Variants in KIF20B observed in about 807,000 individuals in gnomAD.
The protein encoded by KIF20B is kinesin family member 20B.
In KIF20B, 188 loss-of-function variants were observed where a neutral mutation model predicts 232.5. The observed-to-expected ratio is 0.81, with a 90% CI of 0.72 to 0.91. The LOEUF (loss-of-function observed/expected upper bound fraction) is 0.91, where lower values mean the gene tolerates loss of function less well. Ranked by LOEUF, KIF20B falls within the 40% of genes least tolerant of loss-of-function variation. The pLI, the probability that KIF20B is intolerant of heterozygous loss-of-function variation, is 0.00. For synonymous variants in KIF20B, 712 were observed against 683.0 expected (o/e 1.04, Z -0.66); for missense variants, 2,154 against 2,055.9 (o/e 1.05, Z -0.92).
At chr10:89,760,377 G>A (rs1842212952) in intron 27 of KIF20B, 149 bp from the exon 28 acceptor site, 1 of 577,080 alleles carries the variant, frequency 1.7e-6, no homozygotes, top group East Asian at 3.0e-5. Context: ...AGAAATAGGA[G>A]GGCTAGGTGG....
intron 29 of KIF20B, chr10:89,766,123 T>A (rs1355254061): frequency 6.6e-6 from 1 of 152,168 alleles, no homozygotes; most frequent in Non-Finnish European, 1.5e-5. Context: ...ATTCTCCCCG[T>A]CACTTTCAGG....
In KIF20B at chr10:89,712,772, G is replaced by A. The variant is rs539102862; in HGVS notation, c.676-1275G>A. 1.8e-4 allele frequency among the ~76,000 whole-genome samples: 27 copies of A among 152,174 alleles called. No individual in the cohort carries two copies. The South Asian group carries it at 5.4e-3, about 30-fold the overall frequency. On this transcript the variant is annotated intron_variant, in intron 6 of 32. Coordinates refer to ENST00000371728, the MANE Select transcript of KIF20B (RefSeq NM_001284259.2). ...TTATACTTGTCTGTTTATTCCTCTT[G>A]TGCCTTCTGGATTTTGTAGTATATT...
intron 2 of KIF20B, among the ~76,000 whole-genome samples, chr10:89,705,868 C>G (rs1842712367): frequency 1.3e-5 from 2 of 152,116 alleles, no homozygotes; most frequent in African/African-American, 2.4e-5. Context: ...TAGTTTTTCC[C>G]TTTTTATTGC....
intron 2 of KIF20B, among the ~76,000 whole-genome samples, chr10:89,708,565 A>T (rs895516382): frequency 6.7e-6 from 1 of 149,116 alleles, no homozygotes; most frequent in African/African-American, 2.4e-5. Flanking sequence ...TAGGGCCTGA[A>T]TTTTTTTTTT....
chr10:89,710,292 G>A (rs1192014165), intron 5 of KIF20B, among the ~76,000 whole-genome samples: 1 of 149,990 alleles, frequency 6.7e-6, no homozygotes, highest in Non-Finnish European at 1.5e-5. Flanking sequence ...TGTGATCTCA[G>A]CTCACTACAA....
intron 23 of KIF20B, among the ~76,000 whole-genome samples, chr10:89,747,696 T>A (rs896069865): frequency 4.4e-5 from 6 of 135,696 alleles, no homozygotes; most frequent in Non-Finnish European, 6.2e-5. Context: ...TGAGAGCACA[T>A]GGACACAGGA....
At chr10:89,735,264 G>A (rs1415376105) in intron 19 of KIF20B, among the ~76,000 whole-genome samples, 3 of 152,108 alleles carry the variant, frequency 2.0e-5, no homozygotes, top group Non-Finnish European at 2.9e-5. Context: ...ATGTCTTAGA[G>A]ATAGAAAAGA....
At chr10:89,736,768 C>T (rs763448180) in intron 19 of KIF20B, among the ~76,000 whole-genome samples, 11 of 152,058 alleles carry the variant, frequency 7.2e-5, no homozygotes, top group Non-Finnish European at 1.5e-4. Flanking sequence ...TCTTGATCTT[C>T]ACAACTTTGA....
rs1279763516 is a variant in KIF20B, at chr10:89,725,027, C to T, written c.1870C>T (p.Leu624=). Residue 624 remains leucine, a synonymous_variant, in exon 15 of 33, where the codon CTG becomes TTG. Coordinates refer to ENST00000371728, the MANE Select transcript of KIF20B (RefSeq NM_001284259.2). ...AQREADFKET[L]LQEREILEEN... ...TTAATTTGTATTTTGAAGGGAGACT[C>T]TGCTTCAAGAACGAGAGATATTAGA... 3 of 1,613,050 alleles carry T rather than the reference C, an allele frequency of 1.9e-6. No individual in the cohort carries two copies. Among genetic ancestry groups the T allele is most frequent in the Non-Finnish European group, 2.5e-6 (3 of 1,179,470 alleles).
Position 89,705,255 on chromosome 10 carries a change from T to C in KIF20B, c.-1-39T>C. On this transcript the variant is annotated intron_variant, in intron 1 of 32. Transcript: ENST00000371728. ...AAGTGTGGGTGGCTTACATGCTGAC[T>C]TATTAAGGTTGTTAAAGAAGTTGCT... 5.6e-6 allele frequency: 9 copies of C among 1,598,398 alleles called. No homozygotes were observed. In the Middle Eastern group the frequency reaches 5.0e-4, roughly 88 times the overall value.
rs143104055 is a variant in KIF20B at position 89,758,463 on chromosome 10, A to G, written c.4504-243A>G. The stretch of plus-strand genomic sequence containing the variant: ...AAGCTATAGCTGTAATTGTGTATTG[A>G]AAGAAGTTACCAGTAAGCTGATTTT... On this transcript the variant is annotated intron_variant, in intron 26 of 32. Coordinates refer to ENST00000371728, the MANE Select transcript of KIF20B (RefSeq NM_001284259.2). Among the ~76,000 whole-genome samples, 15 of 152,188 alleles carry G rather than the reference A, an allele frequency of 9.9e-5. No individual in the cohort carries two copies. In the East Asian group the frequency reaches 2.9e-3, roughly 29 times the overall value.
rs757562183 is a variant in KIF20B, at chr10:89,768,765, A to G, written c.5119A>G (p.Thr1707Ala). 2 of 1,595,658 alleles carry G rather than the reference A, an allele frequency of 1.3e-6. No individual in the cohort carries two copies. The highest frequency in any genetic ancestry group is 2.2e-5 in the East Asian group (1 of 44,646). ...TGCCATACGTCCATCATCTAAGAAA[A>G]CATATTCTTTACGGAGTCAGGCATC... ...KVAIRPSSKKTYSLRSQASII... is the reference protein window; with the variant it reads ...KVAIRPSSKKAYSLRSQASII... Residue 1707 changes from threonine to alanine, a missense_variant, in exon 31 of 33, where the codon ACA becomes GCA. By Grantham distance (58) the Thr-to-Ala change is moderately conservative. Transcript: ENST00000371728.
chr10:89,716,026 T>A (rs1842927658), intron 8 of KIF20B, among the ~76,000 whole-genome samples: 1 of 126,240 alleles, frequency 7.9e-6, no homozygotes, highest in Admixed American at 7.7e-5. Context: ...TAAATAAAAA[T>A]TAAAATACTG....
At chr10:89,718,917 A>G in intron 12 of KIF20B, 45 bp downstream of exon 12, 1 of 1,204,038 alleles carries the variant, frequency 8.3e-7, no homozygotes, top group Non-Finnish European at 1.1e-6. Flanking sequence ...GAATATTAAC[A>G]GTTTTTCTTG....
At chr10:89,753,701 G>C (rs1218124034) in intron 25 of KIF20B, among the ~76,000 whole-genome samples, 2 of 151,910 alleles carry the variant, frequency 1.3e-5, no homozygotes, top group African/African-American at 4.8e-5. Context: ...GCTCACTGCA[G>C]CCTCCACCCC....
intron 13 of KIF20B, among the ~76,000 whole-genome samples, chr10:89,720,564 G>T (rs1268287604): frequency 2.6e-5 from 4 of 152,110 alleles, no homozygotes; most frequent in Non-Finnish European, 5.9e-5. Context: ...GCAGTCTCAA[G>T]TACAAGTGTT....
chr10:89,741,436 C>G (rs1425707458), intron 21 of KIF20B, among the ~76,000 whole-genome samples: 2 of 152,174 alleles, frequency 1.3e-5, no homozygotes, highest in Non-Finnish European at 2.9e-5. Context: ...ATATAGATGA[C>G]TATTTAACAT....
intron 29 of KIF20B, 64 bp downstream of exon 29, chr10:89,762,899 G>C: frequency 2.6e-6 from 3 of 1,168,680 alleles, no homozygotes; most frequent in Non-Finnish European, 3.7e-6. Context: ...TTATAGTATA[G>C]AGTTAAACTG....
chr10:89,735,774 G>A (rs989432417), intron 19 of KIF20B, among the ~76,000 whole-genome samples: 3 of 151,836 alleles, frequency 2.0e-5, no homozygotes, highest in African/African-American at 4.8e-5. Context: ...TCCTGACCTC[G>A]TGATCCACCC....
Sources: gnomAD v4.1 joint callset for allele counts (sites outside exome capture counted in the v4.1 genomes callset) on GRCh38, gnomAD v4.1.1 for gene constraint, MANE v1.5 for transcripts, NCBI Gene and HGNC (gene_info 2026-07-23, HGNC 2026-07-21) for gene names.